BAZ2A: variants seen among roughly 807,000 people sequenced by gnomAD.
BAZ2A encodes bromodomain adjacent to zinc finger domain 2A, also known as bromodomain adjacent to zinc finger domain protein 2A.
Under a neutral mutation model 199.9 loss-of-function variants are expected in BAZ2A, and 34 were observed. That is an observed-to-expected ratio of 0.17 (90% CI 0.13 to 0.23). The LOEUF (loss-of-function observed/expected upper bound fraction) is 0.23, where lower values mean the gene tolerates loss of function less well. BAZ2A is among the 10% of genes least tolerant of loss of function. The probability of loss-of-function intolerance (pLI) is 1.00; values close to 1 mark genes in which losing one functional copy is unlikely to be tolerated. For missense variants in BAZ2A, 2,002 were observed against 2,391.1 expected, an observed-to-expected ratio of 0.84 and a Z score of 3.39; for synonymous variants, 857 against 883.9, an observed-to-expected ratio of 0.97 and a Z score of 0.54.
intron 19 of BAZ2A, 133 bp downstream of exon 19, chr12:56,602,580 T>G (rs1950213200): frequency 8.0e-7 from 1 of 1,256,926 alleles, no homozygotes; most frequent in Non-Finnish European, 1.1e-6. Context: ...GCAGCTTTAC[T>G]CTAAAATCTG....
upstream of BAZ2A, among the ~76,000 whole-genome samples, chr12:56,634,189 T>C (rs1472158629): frequency 1.3e-5 from 2 of 152,188 alleles, no homozygotes; most frequent in Admixed American, 1.3e-4. Flanking sequence ...CAGAGAAGAC[T>C]GGACTTCTCT....
intron 19 of BAZ2A, 145 bp downstream of exon 19, chr12:56,602,568 A>T: frequency 9.2e-7 from 1 of 1,082,804 alleles, no homozygotes; most frequent in Non-Finnish European, 1.3e-6. Context: ...GCAGGTGGGT[A>T]GGCAGCTTTA....
chr12:56,600,286 G>A lies in BAZ2A; in HGVS notation c.4807C>T (p.Pro1603Ser). The change falls in exon 24 of 29, where the codon CCC becomes TCC. Residue 1603 changes from proline (P) to serine (S), a missense_variant. This residue lies in a region of BAZ2A where 1,081 missense variants were observed against 1,274.7 expected (regional missense o/e 0.85). Coordinates refer to ENST00000549884, the MANE Select transcript of BAZ2A (RefSeq NM_001300905.2). ...ACAACCTCATGAGTTGGCCAGAGGG[G>A]CTCCCGCAGGTACCGCCGTTCTACA... ...QNVERRYLRE[P>S]LWPTHEVVLE... The A allele has an allele frequency of 6.2e-7, 1 of 1,614,000 alleles. No individual in the cohort carries two copies. The highest frequency in any genetic ancestry group is 8.5e-7 in the Non-Finnish European group (1 of 1,179,900).
intron 11 of BAZ2A, 142 bp from the exon 12 acceptor site, chr12:56,606,454 C>A: frequency 8.5e-7 from 1 of 1,177,116 alleles, no homozygotes. Flanking sequence ...TTCTCTCACC[C>A]TAGAGATGCC....
chr12:56,605,383 T>C (rs978796475), intron 13 of BAZ2A, 56 bp from the exon 14 acceptor site: 36 of 1,499,734 alleles, frequency 2.4e-5, no homozygotes, highest in Non-Finnish European at 3.0e-5. Flanking sequence ...AGATGACAAT[T>C]TGCATGTCTA....
chr12:56,603,070 G>C (rs749779357), intron 18 of BAZ2A, among the ~76,000 whole-genome samples: 2 of 152,176 alleles, frequency 1.3e-5, no homozygotes, highest in Non-Finnish European at 2.9e-5. Flanking sequence ...GATTGCTAGA[G>C]CCCAGGAGTT....
chr12:56,605,028 T>C (rs368370419), intron 14 of BAZ2A, 45 bp downstream of exon 14: 5 of 1,531,740 alleles, frequency 3.3e-6, no homozygotes, highest in Non-Finnish European at 4.4e-6. Context: ...AGTAGTTACA[T>C]CTCCTTTACT....
intron 7 of BAZ2A, 113 bp downstream of exon 7, chr12:56,611,460 T>G: frequency 9.4e-7 from 1 of 1,062,310 alleles, no homozygotes; most frequent in Non-Finnish European, 1.4e-6. Context: ...TGTAATCTAC[T>G]CTTGTCTGGC....
chr12:56,633,308 A>C (rs1951363219), upstream of BAZ2A, among the ~76,000 whole-genome samples: 1 of 151,326 alleles, frequency 6.6e-6, no homozygotes, highest in African/African-American at 2.4e-5. Flanking sequence ...CCCACCAGAT[A>C]CTCCTGGCAT....
At chr12:56,612,335 C>T in intron 5 of BAZ2A, 89 bp from the exon 6 acceptor site, 1 of 1,162,394 alleles carries the variant, frequency 8.6e-7, no homozygotes, top group Non-Finnish European at 1.2e-6. Context: ...CTGGACCAAG[C>T]TAAACAGGGT....
rs1187890408 is a variant in BAZ2A at position 56,635,415 on chromosome 12, G to T, written c.4+767C>A. Among the ~76,000 whole-genome samples, 2 of 152,132 alleles carry T rather than the reference G, an allele frequency of 1.3e-5. No individual in the cohort carries two copies. The highest frequency in any genetic ancestry group is 6.5e-5 in the Admixed American group (1 of 15,280). On this transcript the variant is annotated intron_variant, in intron 1 of 29. Coordinates refer to the BAZ2A transcript ENST00000379441. The surrounding 1 kb of genome is among the most constrained non-coding windows in gnomAD (Gnocchi z 4.1). ...GAACTCAAGGCCGAGCCTGCTGGGG[G>T]TCACGCGCAGCGCCCTACTAGGTGA...
intron 1 of BAZ2A, among the ~76,000 whole-genome samples, chr12:56,628,016 T>C (rs1951163387): frequency 1.3e-5 from 2 of 150,730 alleles, no homozygotes; most frequent in East Asian, 1.9e-4. Flanking sequence ...ACGCCGTCTC[T>C]ACTAAAAATA....
upstream of BAZ2A, chr12:56,635,053 G>A (rs975080841): frequency 1.0e-6 from 1 of 984,732 alleles, no homozygotes; most frequent in African/African-American, 1.7e-5. The surrounding 1 kb of genome is among the most constrained non-coding windows in gnomAD (Gnocchi z 4.1). Context: ...CGGCGGCGGA[G>A]GGGAGGAGGT....
intron 3 of BAZ2A, 98 bp downstream of exon 3, chr12:56,614,916 G>C (rs1221245511): frequency 1.6e-6 from 2 of 1,275,270 alleles, no homozygotes; most frequent in Non-Finnish European, 2.2e-6. Flanking sequence ...CTCCACTGCA[G>C]AGAGCTGGAA....
chr12:56,604,786 A>G lies in BAZ2A; in HGVS notation c.2762T>C (p.Leu921Ser). 6.2e-7 allele frequency: 1 copy of G among 1,613,588 alleles called. No homozygotes were observed. Among genetic ancestry groups the G allele is most frequent in the Non-Finnish European group, 8.5e-7 (1 of 1,179,782 alleles). Reference protein sequence around the residue: ...FPSYCQSLKILGEKVSEIPLT... With the variant: ...FPSYCQSLKISGEKVSEIPLT... The stretch of plus-strand genomic sequence containing the variant: ...TGGGATCTCAGACACCTTCTCCCCC[A>G]AGATCTTTAGGGACTGTGTGGAGGA... The change falls in exon 15 of 29, where the codon TTG (leucine) becomes TCG (serine). Residue 921 changes from leucine (L) to serine (S), a missense_variant. Leu to Ser is a moderately radical substitution (Grantham distance 145). This residue lies in a region of BAZ2A where 1,081 missense variants were observed against 1,274.7 expected (regional missense o/e 0.85). Coordinates refer to ENST00000549884, the MANE Select transcript of BAZ2A (RefSeq NM_001300905.2).
chr12:56,620,869 C>G (rs1484020738), intron 1 of BAZ2A, among the ~76,000 whole-genome samples: 1 of 152,044 alleles, frequency 6.6e-6, no homozygotes, highest in Non-Finnish European at 1.5e-5. Flanking sequence ...TCAGGATTTC[C>G]CTAGTATAGT....
Position 56,599,149 on chromosome 12 carries a change from G to A in BAZ2A, c.5382C>T (p.His1794=). Residue 1794 remains histidine (H), a synonymous_variant, in exon 27 of 29, where the codon CAC becomes CAT. Transcript: ENST00000549884. Reference sequence around the variant, plus strand: ...CTCACTCGCAAAATGTGAGATCACTGTGGTGGTTCCGCATAGAGAGTCGCC... The same window carrying A: ...CTCACTCGCAAAATGTGAGATCACTATGGTGGTTCCGCATAGAGAGTCGCC... The part of the protein sequence containing the change: ...KRRRLSMRNH[H]SDLTFCEIIL... 5 of 1,612,166 alleles carry A rather than the reference G, an allele frequency of 3.1e-6. No individual in the cohort carries two copies. The highest frequency in any genetic ancestry group is 4.2e-6 in the Non-Finnish European group (5 of 1,179,276).
chr12:56,636,396 A>C, upstream of BAZ2A: 2 of 562,248 alleles, frequency 3.6e-6, no homozygotes, highest in Non-Finnish European at 5.2e-6. Context: ...GGGAGGGAGG[A>C]GGGAAGGGCG....
Position 56,600,501 on chromosome 12 carries a change from G to C in BAZ2A, c.4603-11C>G, listed in dbSNP as rs775487888. The C allele has an allele frequency of 3.1e-6, 5 of 1,608,258 alleles. No homozygotes were observed. The South Asian group carries it at 5.5e-5, about 18-fold the overall frequency. The stretch of plus-strand genomic sequence containing the variant: ...AGGACATGTCCAGCCCTTCAGTTAA[G>C]AGAGAGGAATAAAACTCACTGTAAA... On this transcript the variant is annotated splice_polypyrimidine_tract_variant and intron_variant, in intron 23 of 28. Transcript: ENST00000549884.
Sources: gnomAD v4.1 joint callset for allele counts (sites outside exome capture counted in the v4.1 genomes callset) on GRCh38, gnomAD v4.1.1 for gene constraint, gnomAD v4.1.1 regional missense constraint, Gnocchi (gnomAD v3.1) non-coding constraint, MANE v1.5 for transcripts, NCBI Gene and HGNC (gene_info 2026-07-23, HGNC 2026-07-21) for gene names.